The following ARHGEF3 variants were observed in gnomAD, a reference collection of about 807,000 sequenced individuals.
ARHGEF3 encodes the protein Rho guanine nucleotide exchange factor 3, also known as 59.8 kDA protein.
In ARHGEF3, 28 loss-of-function variants were observed where a neutral mutation model predicts 63.2. The observed-to-expected ratio is 0.44, with a 90% confidence interval of 0.33 to 0.61. ARHGEF3 has a LOEUF of 0.61. Among genes scored for constraint, ARHGEF3 ranks in the 20% least tolerant of loss-of-function variants. The pLI, the probability that ARHGEF3 is intolerant of heterozygous loss-of-function variation, is 0.03. For synonymous variants in ARHGEF3, 266 were observed against 254.2 expected (o/e 1.05, Z -0.44); for missense variants, 533 against 659.3 (o/e 0.81, Z 2.10).
intron 6 of ARHGEF3, among the ~76,000 whole-genome samples, chr3:56,747,051 G>A (rs538024658): frequency 5.2e-5 from 7 of 134,602 alleles, no homozygotes; most frequent in South Asian, 2.6e-4. Context: ...TTATACATGC[G>A]CGCACACACA....
chr3:56,897,356 C>G (rs2041336173), intron 3 of ARHGEF3, among the ~76,000 whole-genome samples: 1 of 152,116 alleles, frequency 6.6e-6, no homozygotes, highest in Non-Finnish European at 1.5e-5. Context: ...CTGCCCCAGT[C>G]CTGGAATCAG....
At chr3:56,761,791 G>C (rs925269020) in intron 2 of ARHGEF3, among the ~76,000 whole-genome samples, 1 of 152,092 alleles carries the variant, frequency 6.6e-6, no homozygotes, top group Non-Finnish European at 1.5e-5. Flanking sequence ...TTTAAAACCC[G>C]GTGGTAAGGT....
chr3:56,868,293 C>T (rs758702579), intron 4 of ARHGEF3, among the ~76,000 whole-genome samples: 6 of 152,120 alleles, frequency 3.9e-5, no homozygotes, highest in East Asian at 1.9e-4. Context: ...AGCACCTTCC[C>T]GACTGAACCT....
chr3:56,819,124 C>T (rs2038374201), intron 4 of ARHGEF3, among the ~76,000 whole-genome samples: 1 of 152,112 alleles, frequency 6.6e-6, no homozygotes, highest in African/African-American at 2.4e-5. Flanking sequence ...GATGTTTTTA[C>T]CATAAAACTA....
intron 3 of ARHGEF3, among the ~76,000 whole-genome samples, chr3:56,948,613 G>C (rs923305899): frequency 6.6e-6 from 1 of 152,216 alleles, no homozygotes; most frequent in East Asian, 1.9e-4. Context: ...CCAATAACAG[G>C]CTCTGAAATT....
At chr3:57,014,633 G>C (rs975507193) in intron 2 of ARHGEF3, among the ~76,000 whole-genome samples, 1 of 151,366 alleles carries the variant, frequency 6.6e-6, no homozygotes, top group Non-Finnish European at 1.5e-5. Context: ...CAGATTAACA[G>C]TTAACATAGA....
At chr3:56,773,230 C>T (rs2036099746) in intron 2 of ARHGEF3, among the ~76,000 whole-genome samples, 1 of 152,146 alleles carries the variant, frequency 6.6e-6, no homozygotes, top group Admixed American at 6.5e-5. Flanking sequence ...TGTCACGAAA[C>T]AGCACCATTC....
At chr3:57,028,980 G>GACACACACACACACACACAC (rs58006138) in intron 2 of ARHGEF3, among the ~76,000 whole-genome samples, 56 of 142,250 alleles carry the variant, frequency 3.9e-4, no homozygotes, top group East Asian at 1.9e-3. Context: ...TAATGGTGAA[G>GACACACACACACACACACAC]ACACACACAC....
intron 3 of ARHGEF3, among the ~76,000 whole-genome samples, chr3:56,943,913 C>CA (rs71621851): frequency 0.27 from 32,313 of 121,608 alleles, 3,825 homozygotes; most frequent in Middle Eastern, 0.44. Flanking sequence ...GACTCCGACT[C>CA]AAAAAAAAAA....
chr3:56,812,459 C>T (rs1449564246), intron 4 of ARHGEF3, among the ~76,000 whole-genome samples: 1 of 152,210 alleles, frequency 6.6e-6, no homozygotes, highest in Non-Finnish European at 1.5e-5. Flanking sequence ...GACAAAGGGA[C>T]ATCAAATAGC....
At chr3:56,959,903 G>A (rs547470651) in intron 2 of ARHGEF3, among the ~76,000 whole-genome samples, 6 of 152,242 alleles carry the variant, frequency 3.9e-5, no homozygotes, top group African/African-American at 9.6e-5. Context: ...GCTTGAACCC[G>A]GGAGGCAGAG....
chr3:56,818,740 C>T lies in ARHGEF3; in HGVS notation c.193-44924G>A, dbSNP rs140722829. Reference sequence around the variant, plus strand: ...CTGCACCCCCTGCTGCCATCCTACGCGCTTGGAATATGAACAAAGGTGAAC... The same window carrying T: ...CTGCACCCCCTGCTGCCATCCTACGTGCTTGGAATATGAACAAAGGTGAAC... On this transcript the variant is annotated intron_variant, in intron 4 of 12. Coordinates refer to the ARHGEF3 transcript ENST00000338458. Among the ~76,000 whole-genome samples the T allele has an allele frequency of 7.9e-5, 12 of 152,254 alleles. No individual in the cohort carries two copies. The East Asian group carries it at 1.7e-3, about 22-fold the overall frequency.
chr3:56,955,179 T>C (rs1299150728), intron 3 of ARHGEF3, among the ~76,000 whole-genome samples: 1 of 131,630 alleles, frequency 7.6e-6, no homozygotes, highest in Non-Finnish European at 1.7e-5. Context: ...CTGATCCTTT[T>C]TCTTTTTTTT....
chr3:56,879,222 C>G (rs2040689766), intron 4 of ARHGEF3, among the ~76,000 whole-genome samples: 1 of 152,184 alleles, frequency 6.6e-6, no homozygotes, highest in South Asian at 2.1e-4. Context: ...TCCCCTACCC[C>G]ACCCGGTCAG....
At chr3:56,813,406 A>G (rs1273658409) in intron 4 of ARHGEF3, among the ~76,000 whole-genome samples, 1 of 152,186 alleles carries the variant, frequency 6.6e-6, no homozygotes, top group African/African-American at 2.4e-5. Flanking sequence ...AATGTTTTGA[A>G]AGGGAAAAAA....
intron 4 of ARHGEF3, among the ~76,000 whole-genome samples, chr3:56,817,113 C>T (rs991658772): frequency 3.3e-5 from 5 of 152,182 alleles, no homozygotes; most frequent in African/African-American, 4.8e-5. Context: ...CCACCTTCCA[C>T]GAGGGAGAAC....
chr3:56,864,976 T>C (rs1270024044), intron 4 of ARHGEF3, among the ~76,000 whole-genome samples: 1 of 152,164 alleles, frequency 6.6e-6, no homozygotes, highest in East Asian at 1.9e-4. Context: ...GGCAATTTTG[T>C]TCTTTACTGT....
At chr3:56,924,991 CA>C (rs1447853860) in intron 3 of ARHGEF3, among the ~76,000 whole-genome samples, 3 of 152,174 alleles carry the variant, frequency 2.0e-5, no homozygotes, top group Non-Finnish European at 4.4e-5. Context: ...GGGAATTCCC[CA>C]ACTCAGGAAC....
chr3:56,944,568 C>CTTTGTTTTTTTTT (rs1699369392), intron 3 of ARHGEF3, among the ~76,000 whole-genome samples: 2 of 65,836 alleles, frequency 3.0e-5, no homozygotes, highest in Non-Finnish European at 5.4e-5. Flanking sequence ...AAAGTGGTTT[C>CTTTGTTTTTTTTT]TTTTTTTTTT....
Sources: gnomAD v4.1 joint callset for allele counts (sites outside exome capture counted in the v4.1 genomes callset) on GRCh38, gnomAD v4.1.1 for gene constraint, MANE v1.5 for transcripts, NCBI Gene and HGNC (gene_info 2026-07-23, HGNC 2026-07-21) for gene names.